Variants in UBN1 observed in about 807,000 individuals in gnomAD.
UBN1 encodes ubinuclein-1.
Under a neutral mutation model 108.5 loss-of-function variants are expected in UBN1, and 17 were observed. The ratio of observed to expected loss-of-function variants is 0.16; its 90% CI spans 0.11 to 0.24. The LOEUF is 0.24. UBN1 is among the 10% of genes least tolerant of loss of function. UBN1 has a pLI of 1.00. For missense variants in UBN1, 1,595 were observed against 1,394.4 expected (o/e 1.14, Z -2.29); for synonymous variants, 726 against 564.2 (o/e 1.29, Z -4.07).
At chr16:4,876,550 C>T (rs2087895073) in intron 15 of UBN1, among the ~76,000 whole-genome samples, 1 of 149,148 alleles carries the variant, frequency 6.7e-6, no homozygotes, top group Non-Finnish European at 1.5e-5. Flanking sequence ...TTTTTTGAGA[C>T]AGAGTCTGGC....
At chr16:4,861,657 A>G (rs895755418) in intron 7 of UBN1, among the ~76,000 whole-genome samples, 52 of 152,206 alleles carry the variant, frequency 3.4e-4, no homozygotes, top group African/African-American at 1.2e-3. Flanking sequence ...AAAACCCACC[A>G]TCGGCAGGGT....
Position 4,858,040 on chromosome 16 carries a change from A to G in UBN1, c.300A>G (p.Lys100=). ...ATGACGAAGAAAAGGAAAGGCATAA[A>G]GTAGAGGCCCTTGCCCGAAAATTTG... ...PFNDEEKERH[K]VEALARKFEE... Residue 100 remains lysine (K), a synonymous_variant, in exon 3 of 18, where the codon AAA becomes AAG. Transcript: ENST00000262376. The G allele has an allele frequency of 1.2e-6, 2 of 1,613,594 alleles. No individual in the cohort carries two copies. Among genetic ancestry groups the G allele is most frequent in the Non-Finnish European group, 1.7e-6 (2 of 1,179,894 alleles).
rs2087618110 is a variant in UBN1 at position 4,871,266 on chromosome 16, C to T, written c.1671C>T (p.Val557=). 1 of 1,614,226 alleles carries T rather than the reference C, an allele frequency of 6.2e-7. No homozygotes were observed. The highest frequency in any genetic ancestry group is 8.5e-7 in the Non-Finnish European group (1 of 1,180,046). The change falls in exon 12 of 18, where the codon GTC becomes GTT. Residue 557 remains valine, a synonymous_variant. Transcript: ENST00000262376. Reference sequence around the variant, plus strand: ...TGAAGGGCTTTCTGGATGCGGAAGTCAAGCCCCTCTGGCCCAAAGGCTGGA... The same window carrying T: ...TGAAGGGCTTTCTGGATGCGGAAGTTAAGCCCCTCTGGCCCAAAGGCTGGA... ...DCVKGFLDAE[V]KPLWPKGWMQ... is the part of the protein sequence containing the mutation.
chr16:4,859,332 C>T (rs554831176), intron 5 of UBN1, among the ~76,000 whole-genome samples, 173 bp downstream of exon 5: 3 of 152,306 alleles, frequency 2.0e-5, no homozygotes, highest in Admixed American at 6.5e-5. Context: ...AATGAGGACA[C>T]GTGCCCGTGG....
chr16:4,856,900 C>G (rs1042878450), intron 2 of UBN1, among the ~76,000 whole-genome samples: 3 of 152,226 alleles, frequency 2.0e-5, no homozygotes, highest in Admixed American at 6.5e-5. Context: ...AATCATTTAA[C>G]TGATCCTTTG....
At chr16:4,858,211 G>GTTATTAAACCTAA in intron 3 of UBN1, 135 bp downstream of exon 3, 1 of 712,172 alleles carries the variant, frequency 1.4e-6, no homozygotes, top group Non-Finnish European at 2.4e-6. Context: ...AAGAGAAGCA[G>GTTATTAAACCTAA]TTATTAAACC....
In UBN1 at chr16:4,870,512, G is replaced by T. The variant is rs746374573; in HGVS notation, c.1312-4G>T. 1 of 1,614,032 alleles carries T rather than the reference G, an allele frequency of 6.2e-7. No individual in the cohort carries two copies. Among genetic ancestry groups the T allele is most frequent in the Non-Finnish European group, 8.5e-7 (1 of 1,179,990 alleles). ...TGCCTTGAATTGTGTCCCGCTCTTC[G>T]CAGGGGGGCCGTCTGAAGGAGCCTC... On this transcript the variant is annotated splice_region_variant and splice_polypyrimidine_tract_variant and intron_variant, in intron 9 of 17. Coordinates refer to ENST00000262376, the MANE Select transcript of UBN1 (RefSeq NM_001079514.3).
intron 12 of UBN1, chr16:4,872,160 C>T (rs1243918643): frequency 1.0e-6 from 1 of 983,640 alleles, no homozygotes; most frequent in South Asian, 4.7e-5. Context: ...ATCTTGGAAC[C>T]TTTGAAATTG....
chr16:4,850,855 G>A (rs1181173389), intron 1 of UBN1, among the ~76,000 whole-genome samples: 2 of 152,124 alleles, frequency 1.3e-5, no homozygotes, highest in East Asian at 1.9e-4. Flanking sequence ...AATACAGTGA[G>A]TTTTTTTGAA....
chr16:4,872,029 CAG>C (rs1244268576), intron 12 of UBN1, among the ~76,000 whole-genome samples: 3 of 152,226 alleles, frequency 2.0e-5, no homozygotes, highest in Admixed American at 6.5e-5. Context: ...GCTTCCATCT[CAG>C]AGGCTACCTT....
chr16:4,858,153 C>A (rs2142154294), intron 3 of UBN1, 77 bp downstream of exon 3: 2 of 947,080 alleles, frequency 2.1e-6, no homozygotes, highest in Non-Finnish European at 3.4e-6. Flanking sequence ...TTTAGTGGAT[C>A]ATCATGTAAT....
intron 1 of UBN1, chr16:4,852,513 G>A (rs1044976652): frequency 6.4e-6 from 1 of 155,632 alleles, no homozygotes; most frequent in Admixed American, 6.4e-5. Flanking sequence ...AAAATAAAGG[G>A]GTCTTAAAGA....
rs374813253 is a variant in UBN1, at chr16:4,876,996, T to C, written c.3150T>C (p.Pro1050=). 9.4e-5 allele frequency: 152 copies of C among 1,614,134 alleles called. No homozygotes were observed. The highest frequency in any genetic ancestry group is 3.5e-5 in the Non-Finnish European group (41 of 1,180,048). The change falls in exon 16 of 18, where the codon CCT becomes CCC. Residue 1050 remains proline, a synonymous_variant. Transcript: ENST00000262376. ...SNSLGIITPV[P]IPVHVLSFSA... ...CCTTGGGAATTATAACCCCTGTCCCTATTCCTGTCCATGTGCTCTCCTTCA... is the reference window on the plus strand; with the variant it reads ...CCTTGGGAATTATAACCCCTGTCCCCATTCCTGTCCATGTGCTCTCCTTCA...
chr16:4,854,726 G>A (rs2086715930), intron 2 of UBN1, among the ~76,000 whole-genome samples: 1 of 148,750 alleles, frequency 6.7e-6, no homozygotes, highest in Non-Finnish European at 1.5e-5. Context: ...TAGGTGAAAA[G>A]CTGTTTTTTT....
At chr16:4,851,462 A>G (rs934617402) in intron 1 of UBN1, among the ~76,000 whole-genome samples, 1 of 152,098 alleles carries the variant, frequency 6.6e-6, no homozygotes, top group Non-Finnish European at 1.5e-5. Flanking sequence ...AAAACAAAAA[A>G]CCTATATACA....
intron 7 of UBN1, among the ~76,000 whole-genome samples, chr16:4,865,291 A>G (rs917614966): frequency 1.3e-5 from 2 of 152,340 alleles, no homozygotes; most frequent in African/African-American, 2.4e-5. Context: ...ACAGAAAAGT[A>G]CTTTCTAAAA....
chr16:4,868,602 G>A (rs2087450789), intron 7 of UBN1, among the ~76,000 whole-genome samples: 1 of 152,194 alleles, frequency 6.6e-6, no homozygotes. Context: ...TTCTGTGACT[G>A]TTTTAAGTCC....
At chr16:4,849,386 C>T (rs987043056) in intron 1 of UBN1, among the ~76,000 whole-genome samples, 2 of 152,034 alleles carry the variant, frequency 1.3e-5, no homozygotes, top group African/African-American at 4.8e-5. Flanking sequence ...AATAAGAATT[C>T]AGGAAGGGTA....
intron 3 of UBN1, 81 bp downstream of exon 3, chr16:4,858,157 A>G: frequency 1.1e-6 from 1 of 929,078 alleles, no homozygotes; most frequent in Non-Finnish European, 1.7e-6. Context: ...GTGGATCATC[A>G]TGTAATAAAC....
Sources: allele counts gnomAD v4.1 joint callset (sites outside exome capture counted in the v4.1 genomes callset), GRCh38; gene constraint gnomAD v4.1.1; transcripts MANE v1.5; gene names NCBI Gene and HGNC (gene_info 2026-07-23, HGNC 2026-07-21).